The following ARMCX4 variants were observed in gnomAD, a reference collection of about 807,000 sequenced individuals.
ARMCX4 encodes armadillo repeat-containing X-linked protein 4.
ARMCX4 carries 3 observed loss-of-function variants against 34.7 expected under a neutral mutation model. The observed-to-expected ratio is 0.09, with a 90% CI of 0.04 to 0.22. The LOEUF (loss-of-function observed/expected upper bound fraction) is 0.22, where lower values mean the gene tolerates loss of function less well. Among genes scored for constraint, ARMCX4 ranks in the 10% least tolerant of loss-of-function variants. ARMCX4 has a pLI of 1.00. For synonymous variants in ARMCX4, 513 were observed against 632.8 expected (o/e 0.81, Z 2.84); for missense variants, 1,448 against 1,720.8 (o/e 0.84, Z 2.81).
intron 4 of ARMCX4, among the ~76,000 whole-genome samples, chrX:101,461,179 A>T (rs1237199440): frequency 8.9e-6 from 1 of 112,162 alleles, no homozygotes; most frequent in Non-Finnish European, 1.9e-5. Flanking sequence ...GTCCATCTCC[A>T]GAACTCTTCA....
intron 4 of ARMCX4, among the ~76,000 whole-genome samples, chrX:101,468,601 T>TTTTTC (rs1219241477): frequency 4.5e-5 from 5 of 110,378 alleles, no homozygotes; most frequent in South Asian, 3.9e-4. Flanking sequence ...TAGGAGAGTA[T>TTTTTC]TTTTCTTTTC....
At position 101,519,254 on chromosome X, in the gene ARMCX4, T is replaced by C. The variant is rs1934801625; in HGVS notation, c.*1780+8199T>C. ...TGTTAACTATAAGTACAATGTTTTA[T>C]AGCAAATCTCCAAAACTTGTTTATC... On this transcript the variant is annotated intron_variant and NMD_transcript_variant, in intron 11 of 12. Coordinates refer to the ARMCX4 transcript ENST00000354842. Among the ~76,000 whole-genome samples, 3 of 111,459 alleles carry C rather than the reference T, an allele frequency of 2.7e-5. 1 individual carries two copies. The South Asian group carries it at 1.1e-3, about 41-fold the overall frequency.
At chrX:101,515,707 T>G (rs781995202) in intron 11 of ARMCX4, among the ~76,000 whole-genome samples, 134 of 105,775 alleles carry the variant, frequency 1.3e-3, no homozygotes, top group African/African-American at 4.5e-3. Context: ...CCCAGCTAAT[T>G]TTTTTGGTAT....
chrX:101,484,910 CAT>C (rs782094167), upstream of ARMCX4, among the ~76,000 whole-genome samples: 32 of 79,779 alleles, frequency 4.0e-4, no homozygotes, highest in African/African-American at 1.2e-3. Flanking sequence ...AAAAGAATGT[CAT>C]ATTAAAAGAA....
rs782634105 is a variant in ARMCX4 at position 101,528,314 on chromosome X, G to C, written c.*1781-3330G>C. Among the ~76,000 whole-genome samples the C allele has an allele frequency of 2.0e-3, 223 of 111,727 alleles. 1 individual carries two copies. Among genetic ancestry groups the C allele is most frequent in the African/African-American group, 6.6e-3 (204 of 30,776 alleles). On this transcript the variant is annotated intron_variant and NMD_transcript_variant, in intron 11 of 12. Coordinates refer to the ARMCX4 transcript ENST00000354842. ...CATGCTAAAAACTCTCAATAAACTA[G>C]GTATTGATGGGATGTATATCAAAAT... is the stretch of plus-strand genomic sequence containing the variant.
Position 101,495,290 on chromosome X carries a change from A to G in ARMCX4, c.6701A>G (p.Tyr2234Cys). The G allele has an allele frequency of 8.8e-7, 1 of 1,141,806 alleles. No individual in the cohort carries two copies. Among genetic ancestry groups the G allele is most frequent in the Non-Finnish European group, 1.2e-6 (1 of 861,495 alleles). 94.1% of individuals were successfully genotyped at this position (1,141,806 alleles called of 1,213,427 possible). A position where few individuals can be genotyped will look rare whatever the true frequency, so the allele number is the denominator to read the frequency against. ...CTTTCACTATTTGAAAATATAAATT[A>G]CCATTTTAAAAGAAGAGCAAAAGCA... The part of the protein sequence containing the change: ...NALSLFENIN[Y>C]HFKRRAKAFT... The change falls in exon 6 of 6, where the codon TAC becomes TGC. Residue 2234 changes from tyrosine (Y) to cysteine (C), a missense_variant. Tyr to Cys is a radical substitution (Grantham distance 194). Transcript: ENST00000423738.
intron 8 of ARMCX4, among the ~76,000 whole-genome samples, chrX:101,506,240 T>C (rs1457792520): frequency 1.8e-5 from 2 of 112,440 alleles, no homozygotes; most frequent in Non-Finnish European, 3.8e-5. Flanking sequence ...TTCTACTTTC[T>C]ATTTCTATGA....
chrX:101,477,672 T>C (rs1556004637), intron 4 of ARMCX4, among the ~76,000 whole-genome samples: 1 of 109,333 alleles, frequency 9.1e-6, no homozygotes, highest in Non-Finnish European at 1.9e-5. Flanking sequence ...CTAGTATAAT[T>C]ATAATACCAA....
At chrX:101,440,075 T>A (rs1306960290) in intron 2 of ARMCX4, among the ~76,000 whole-genome samples, 1 of 111,661 alleles carries the variant, frequency 9.0e-6, no homozygotes, top group Non-Finnish European at 1.9e-5. Context: ...GTTTCCAGTT[T>A]TTCTGCTCTG....
intron 3 of ARMCX4, among the ~76,000 whole-genome samples, 160 bp from the exon 4 acceptor site, chrX:101,487,448 G>T (rs1933788751): frequency 9.4e-6 from 1 of 106,657 alleles, no homozygotes; most frequent in Non-Finnish European, 1.9e-5. Context: ...GCTGGAGTAT[G>T]ACTGGGGGAA....
At chrX:101,457,797 C>T (rs1235449692) in intron 4 of ARMCX4, among the ~76,000 whole-genome samples, 2 of 110,485 alleles carry the variant, frequency 1.8e-5, no homozygotes, top group African/African-American at 6.6e-5. Context: ...GGCTGAAGTG[C>T]AGTGGCACCA....
At chrX:101,435,427 A>G (rs1555994263) in intron 2 of ARMCX4, among the ~76,000 whole-genome samples, 1 of 111,404 alleles carries the variant, frequency 9.0e-6, no homozygotes, top group African/African-American at 3.3e-5. Context: ...TTGGCTGCAT[A>G]AATGTCTTCT....
At chrX:101,420,506 C>T (rs1555989860) in intron 2 of ARMCX4, among the ~76,000 whole-genome samples, 1 of 111,992 alleles carries the variant, frequency 8.9e-6, no homozygotes, top group African/African-American at 3.2e-5. Flanking sequence ...AGCAAATAGC[C>T]ATGCAAGTGT....
At chrX:101,507,404 A>C (rs1934476990) in intron 8 of ARMCX4, among the ~76,000 whole-genome samples, 3 of 111,898 alleles carry the variant, frequency 2.7e-5, no homozygotes, top group Non-Finnish European at 5.6e-5. Flanking sequence ...CTTGGTACAT[A>C]GTAATTGGCA....
chrX:101,474,830 A>G (rs1933101217), intron 4 of ARMCX4, among the ~76,000 whole-genome samples: 2 of 97,991 alleles, frequency 2.0e-5, no homozygotes, highest in Non-Finnish European at 4.1e-5. Context: ...AGAGCTATCT[A>G]TGACAAACCC....
At chrX:101,422,745 A>G (rs1929348696) in intron 2 of ARMCX4, among the ~76,000 whole-genome samples, 1 of 111,576 alleles carries the variant, frequency 9.0e-6, no homozygotes, top group Non-Finnish European at 1.9e-5. Flanking sequence ...TCCTTCCCAA[A>G]GTTAGTTTGA....
At chrX:101,450,512 A>G (rs1388260814), downstream of ARMCX4, among the ~76,000 whole-genome samples, 2 of 111,812 alleles carry the variant, frequency 1.8e-5, no homozygotes, top group African/African-American at 6.5e-5. Flanking sequence ...GCTGTCCATG[A>G]GGCAAGGCCT....
upstream of ARMCX4, among the ~76,000 whole-genome samples, chrX:101,480,706 A>T (rs1253676960): frequency 8.9e-6 from 1 of 112,696 alleles, no homozygotes; most frequent in Admixed American, 9.4e-5. Context: ...CATTTAAAAA[A>T]TACAGCTGAA....
At chrX:101,419,555 CATAAAG>C (rs1461490161) in intron 2 of ARMCX4, among the ~76,000 whole-genome samples, 1 of 111,970 alleles carries the variant, frequency 8.9e-6, no homozygotes, top group African/African-American at 3.3e-5. Context: ...CAAAGTAAGA[CATAAAG>C]ATAAAGAAAC....
Sources: allele counts gnomAD v4.1 joint callset (sites outside exome capture counted in the v4.1 genomes callset), GRCh38; gene constraint gnomAD v4.1.1; transcripts MANE v1.5; gene names NCBI Gene and HGNC (gene_info 2026-07-23, HGNC 2026-07-21).